Variants in RIMS2 observed in about 807,000 individuals in gnomAD.
RIMS2 encodes the protein regulating synaptic membrane exocytosis 2, also known as regulating synaptic membrane exocytosis protein 2.
In RIMS2, 59 loss-of-function variants were observed where a neutral mutation model predicts 174.4. The ratio of observed to expected loss-of-function variants is 0.34; its 90% CI spans 0.27 to 0.42. The LOEUF (loss-of-function observed/expected upper bound fraction) is 0.42. Among genes scored for constraint, RIMS2 ranks in the 10% least tolerant of loss-of-function variants. The pLI is 1.00. For synonymous variants in RIMS2, 606 were observed against 572.5 expected (o/e 1.06, Z -0.84); for missense variants, 1,620 against 1,666.3 (o/e 0.97, Z 0.48).
chr8:104,054,515 C>T lies in RIMS2; in HGVS notation c.3334+39900C>T, dbSNP rs369876776. ...ATATCACTTTATAAAAAAAATTTAGCGAAATGGATAAAATGTAGCAAAAGT... is the reference window on the plus strand; with the variant it reads ...ATATCACTTTATAAAAAAAATTTAGTGAAATGGATAAAATGTAGCAAAAGT... On this transcript the variant is annotated intron_variant, in intron 19 of 23. Transcript: ENST00000504942. 2.0e-4 allele frequency among the ~76,000 whole-genome samples: 31 copies of T among 152,122 alleles called. No homozygotes were observed. The East Asian group carries it at 4.1e-3, about 20-fold the overall frequency.
At chr8:103,531,388 A>T (rs1414639624) in intron 1 of RIMS2, among the ~76,000 whole-genome samples, 1 of 152,234 alleles carries the variant, frequency 6.6e-6, no homozygotes. Flanking sequence ...TCAATAAATC[A>T]TCTTCTAAAT....
chr8:103,987,721 A>T (rs2094454544), intron 16 of RIMS2, among the ~76,000 whole-genome samples: 1 of 152,358 alleles, frequency 6.6e-6, no homozygotes, highest in East Asian at 1.9e-4. Context: ...TTATCTCCAC[A>T]GGAAACCCAA....
At chr8:104,068,693 A>G (rs4366052) in intron 19 of RIMS2, 81 bp downstream of exon 23, 31,736 of 735,692 alleles carry the variant, frequency 0.043, 1,101 homozygotes, top group East Asian at 0.12. Context: ...CTAAATGCAG[A>G]TTAGTCAGAC....
chr8:103,629,234 T>C (rs1233966985), intron 1 of RIMS2, among the ~76,000 whole-genome samples: 2 of 152,162 alleles, frequency 1.3e-5, no homozygotes, highest in Non-Finnish European at 2.9e-5. Context: ...TCCTCTCAAT[T>C]AGAGAGCTGA....
At chr8:104,011,009 T>C (rs2095744943) in intron 17 of RIMS2, among the ~76,000 whole-genome samples, 1 of 152,194 alleles carries the variant, frequency 6.6e-6, no homozygotes, top group African/African-American at 2.4e-5. Context: ...CAAAATTAAT[T>C]ATATATTCTC....
At chr8:104,158,957 T>C (rs1181602527) in intron 19 of RIMS2, among the ~76,000 whole-genome samples, 1 of 152,210 alleles carries the variant, frequency 6.6e-6, no homozygotes, top group East Asian at 1.9e-4. Context: ...GTTTTAGTCA[T>C]GAAGTCTTTG....
At chr8:103,618,910 A>G (rs953714843) in intron 1 of RIMS2, among the ~76,000 whole-genome samples, 11 of 152,110 alleles carry the variant, frequency 7.2e-5, no homozygotes, top group Admixed American at 2.0e-4. Flanking sequence ...GGATATTGAC[A>G]CCCATCTTGA....
At chr8:104,156,333 A>T (rs2098723788) in intron 19 of RIMS2, among the ~76,000 whole-genome samples, 3 of 152,176 alleles carry the variant, frequency 2.0e-5, no homozygotes, top group Non-Finnish European at 4.4e-5. Flanking sequence ...AAATGGTAAC[A>T]TCACTTCTGC....
intron 17 of RIMS2, among the ~76,000 whole-genome samples, chr8:104,007,214 A>G (rs1259369013): frequency 6.6e-6 from 1 of 152,096 alleles, no homozygotes; most frequent in East Asian, 1.9e-4. Context: ...TATTTTGTAT[A>G]TTGTGATTTG....
chr8:104,147,556 T>G (rs1037376646), intron 19 of RIMS2, among the ~76,000 whole-genome samples: 22 of 152,334 alleles, frequency 1.4e-4, no homozygotes, highest in African/African-American at 5.3e-4. Flanking sequence ...TTCTCATCCT[T>G]TAAATAATGT....
intron 1 of RIMS2, among the ~76,000 whole-genome samples, chr8:103,590,481 C>T (rs1895900): frequency 0.065 from 9,857 of 151,282 alleles, 395 homozygotes; most frequent in South Asian, 0.088. Flanking sequence ...ATTGCACATC[C>T]TTACATGTCA....
chr8:103,668,095 G>A (rs1279865658), intron 1 of RIMS2, among the ~76,000 whole-genome samples: 2 of 152,128 alleles, frequency 1.3e-5, no homozygotes, highest in Non-Finnish European at 2.9e-5. Context: ...TTAGAGTTTA[G>A]GAATGGAAGA....
chr8:103,953,159 C>T (rs577877679), intron 14 of RIMS2, among the ~76,000 whole-genome samples: 1 of 152,186 alleles, frequency 6.6e-6, no homozygotes, highest in Non-Finnish European at 1.5e-5. Context: ...GAGAACAGAA[C>T]CAAGTTGGAA....
chr8:104,112,586 T>G (rs1478849703), intron 19 of RIMS2, among the ~76,000 whole-genome samples: 1 of 152,258 alleles, frequency 6.6e-6, no homozygotes, highest in Non-Finnish European at 1.5e-5. Context: ...TTTAAGATTC[T>G]GTTGCTGCTC....
intron 1 of RIMS2, among the ~76,000 whole-genome samples, chr8:103,667,595 A>T (rs1220110939): frequency 6.6e-6 from 1 of 152,216 alleles, no homozygotes; most frequent in Non-Finnish European, 1.5e-5. Flanking sequence ...GTCCATAAAT[A>T]AGGTTGGCTG....
At chr8:103,557,830 G>A (rs929386029) in intron 1 of RIMS2, among the ~76,000 whole-genome samples, 1 of 152,072 alleles carries the variant, frequency 6.6e-6, no homozygotes, top group Non-Finnish European at 1.5e-5. Flanking sequence ...CATAAATCAA[G>A]CATAACAAAA....
intron 19 of RIMS2, among the ~76,000 whole-genome samples, chr8:104,095,519 T>C (rs545512324): frequency 6.6e-6 from 1 of 152,286 alleles, no homozygotes; most frequent in South Asian, 2.1e-4. Context: ...TTAATTTTCA[T>C]AGCACAAGTC....
At chr8:103,829,570 G>A (rs2098813160) in intron 3 of RIMS2, among the ~76,000 whole-genome samples, 1 of 152,168 alleles carries the variant, frequency 6.6e-6, no homozygotes, top group Non-Finnish European at 1.5e-5. Context: ...CATAGATCGA[G>A]TTGGAGGCCA....
intron 19 of RIMS2, among the ~76,000 whole-genome samples, chr8:104,016,389 T>C (rs2095906326): frequency 6.6e-6 from 1 of 152,058 alleles, no homozygotes; most frequent in Admixed American, 6.6e-5. Context: ...AGCAATATTT[T>C]ATACCCTTAT....
Sources: gnomAD v4.1 joint callset for allele counts (sites outside exome capture counted in the v4.1 genomes callset) on GRCh38, gnomAD v4.1.1 for gene constraint, MANE v1.5 for transcripts, NCBI Gene and HGNC (gene_info 2026-07-23, HGNC 2026-07-21) for gene names.